The following SGCD variants were observed in gnomAD, a reference collection of about 807,000 sequenced individuals.
SGCD encodes the protein delta-sarcoglycan.
SGCD carries 18 observed loss-of-function variants against 36.6 expected under a neutral mutation model. That is an observed-to-expected ratio of 0.49 (90% CI 0.34 to 0.73). The LOEUF (loss-of-function observed/expected upper bound fraction) is 0.73. Among genes scored for constraint, SGCD ranks in the 30% least tolerant of loss-of-function variants. The pLI, the probability that SGCD is intolerant of heterozygous loss-of-function variation, is 0.01. For missense variants in SGCD, 387 were observed against 346.7 expected (o/e 1.12, Z -0.92); for synonymous variants, 133 against 130.6 (o/e 1.02, Z -0.12).
intron 6 of SGCD, among the ~76,000 whole-genome samples, chr5:156,621,398 G>C (rs1052030469): frequency 1.3e-5 from 2 of 152,104 alleles, no homozygotes; most frequent in African/African-American, 4.8e-5. Flanking sequence ...TCACCGTATT[G>C]ACCAGGCTTG....
At chr5:156,295,495 A>C (rs1006698105) in intron 3 of SGCD, among the ~76,000 whole-genome samples, 1 of 151,922 alleles carries the variant, frequency 6.6e-6, no homozygotes, top group Non-Finnish European at 1.5e-5. Flanking sequence ...TCCTTCTGCT[A>C]TCATTGGGTT....
At chr5:156,536,109 C>T (rs1456913663) in intron 4 of SGCD, among the ~76,000 whole-genome samples, 3 of 152,058 alleles carry the variant, frequency 2.0e-5, no homozygotes, top group Non-Finnish European at 4.4e-5. Flanking sequence ...GGGTACTAGC[C>T]ATATCAACAT....
chr5:156,746,254 T>C (rs559445723), intron 7 of SGCD, among the ~76,000 whole-genome samples: 60 of 152,166 alleles, frequency 3.9e-4, no homozygotes, highest in African/African-American at 1.3e-3. Flanking sequence ...GAGAAAATGA[T>C]TGTCAATGCA....
intron 4 of SGCD, among the ~76,000 whole-genome samples, chr5:156,566,510 C>G (rs1759484002): frequency 6.7e-6 from 1 of 150,120 alleles, no homozygotes; most frequent in African/African-American, 2.5e-5. Context: ...CTTGAATGCC[C>G]TGTCACCTGC....
At chr5:156,637,524 C>T (rs1168915079) in intron 6 of SGCD, among the ~76,000 whole-genome samples, 1 of 152,154 alleles carries the variant, frequency 6.6e-6, no homozygotes, top group Non-Finnish European at 1.5e-5. Flanking sequence ...CATCCTTACC[C>T]TCTTGTGGAC....
chr5:156,386,321 A>C (rs1206657130), intron 3 of SGCD, among the ~76,000 whole-genome samples: 1 of 152,202 alleles, frequency 6.6e-6, no homozygotes, highest in Non-Finnish European at 1.5e-5. Context: ...TGGTCTCTCT[A>C]AATCTAAATT....
At chr5:156,644,171 G>C (rs1206408972) in intron 6 of SGCD, among the ~76,000 whole-genome samples, 1 of 152,128 alleles carries the variant, frequency 6.6e-6, no homozygotes, top group Non-Finnish European at 1.5e-5. Context: ...TCATGTACAA[G>C]AAGTGATTCA....
At chr5:156,576,994 T>G (rs1014101761) in intron 4 of SGCD, among the ~76,000 whole-genome samples, 5 of 152,344 alleles carry the variant, frequency 3.3e-5, no homozygotes, top group Middle Eastern at 3.4e-3. Flanking sequence ...TCCTTGCCCA[T>G]GCCTATTTCC....
At chr5:156,097,165 T>TA in intron 1 of SGCD, among the ~76,000 whole-genome samples, 1 of 152,112 alleles carries the variant, frequency 6.6e-6, no homozygotes, top group Non-Finnish European at 1.5e-5. Flanking sequence ...GTTTAATTAT[T>TA]ATATGTTTTG....
At chr5:156,244,967 G>T (rs1181755426) in intron 3 of SGCD, among the ~76,000 whole-genome samples, 1 of 152,076 alleles carries the variant, frequency 6.6e-6, no homozygotes, top group Non-Finnish European at 1.5e-5. Flanking sequence ...AACATTTTCA[G>T]TGTTCATCTC....
intron 7 of SGCD, among the ~76,000 whole-genome samples, chr5:156,681,727 A>G (rs1301609475): frequency 1.3e-5 from 2 of 152,242 alleles, no homozygotes; most frequent in African/African-American, 4.8e-5. Flanking sequence ...ATTTCAACCT[A>G]TAGATGATGG....
intron 5 of SGCD, 87 bp from the exon 6 acceptor site, chr5:156,594,845 T>G: frequency 1.2e-6 from 1 of 869,332 alleles, no homozygotes; most frequent in East Asian, 2.7e-5. Context: ...AAAAGCTTTT[T>G]GTAGTCAAAG....
At chr5:155,837,664 T>C in the SGCD span, among the ~76,000 whole-genome samples, 2 of 152,292 alleles carry the variant, frequency 1.3e-5, no homozygotes, top group South Asian at 4.1e-4. Flanking sequence ...AACTCCTGTA[T>C]TGTAGCAGAG....
intron 6 of SGCD, among the ~76,000 whole-genome samples, chr5:156,621,822 C>T (rs57944803): frequency 0.036 from 5,431 of 152,232 alleles, 324 homozygotes; most frequent in African/African-American, 0.12. Flanking sequence ...TAATAGCTGA[C>T]ATTTCTTAAA....
chr5:155,753,125 C>G, the SGCD span, among the ~76,000 whole-genome samples: 1 of 151,990 alleles, frequency 6.6e-6, no homozygotes, highest in East Asian at 1.9e-4. Context: ...ATCACGAGGT[C>G]AAGAGATCAA....
intron 1 of SGCD, among the ~76,000 whole-genome samples, chr5:156,076,045 A>G (rs1581082969): frequency 6.6e-6 from 1 of 151,880 alleles, no homozygotes; most frequent in Admixed American, 6.6e-5. Flanking sequence ...AGTAGCACTT[A>G]TTTTGGATTT....
chr5:156,673,017 A>G (rs1024126808), intron 7 of SGCD, among the ~76,000 whole-genome samples: 1 of 151,990 alleles, frequency 6.6e-6, no homozygotes, highest in African/African-American at 2.4e-5. Flanking sequence ...ACACATACGC[A>G]GTGCCCTACA....
chr5:156,456,566 G>A (rs1754272262), intron 3 of SGCD, among the ~76,000 whole-genome samples: 1 of 152,156 alleles, frequency 6.6e-6, no homozygotes, highest in South Asian at 2.1e-4. Context: ...TCAGCCTGGT[G>A]TCTCCTTGCT....
At chr5:156,594,879 C>G in intron 5 of SGCD, 53 bp from the exon 6 acceptor site, 23 of 1,123,382 alleles carry the variant, frequency 2.0e-5, no homozygotes, top group South Asian at 2.7e-5. Flanking sequence ...GGTGTTTTCT[C>G]TCTCTCTCTC....
Sources: gnomAD v4.1 joint callset for allele counts (sites outside exome capture counted in the v4.1 genomes callset) on GRCh38, gnomAD v4.1.1 for gene constraint, MANE v1.5 for transcripts, NCBI Gene and HGNC (gene_info 2026-07-23, HGNC 2026-07-21) for gene names.